The following ANKRD44 variants were observed in gnomAD, a reference collection of about 807,000 sequenced individuals.
ANKRD44 encodes the protein ankyrin repeat domain 44.
A neutral mutation model predicts 116.0 loss-of-function variants in ANKRD44; 35 were observed. That is an observed-to-expected ratio of 0.30 (90% confidence interval 0.23 to 0.40). The LOEUF (loss-of-function observed/expected upper bound fraction) is 0.40. ANKRD44 is among the 10% of genes least tolerant of loss of function. The pLI, the probability that ANKRD44 is intolerant of heterozygous loss-of-function variation, is 1.00. For missense variants in ANKRD44, 1,014 were observed against 1,242.6 expected (o/e 0.82, Z 2.77); for synonymous variants, 435 against 461.8 (o/e 0.94, Z 0.74).
intron 2 of ANKRD44, among the ~76,000 whole-genome samples, chr2:197,155,322 C>A (rs1226880053): frequency 1.3e-5 from 2 of 152,158 alleles, no homozygotes; most frequent in African/African-American, 2.4e-5. Flanking sequence ...GATTCAAAAC[C>A]AGATCTGATT....
At chr2:197,186,905 T>C (rs898187514) in intron 2 of ANKRD44, 118 bp downstream of exon 2, 5 of 764,510 alleles carry the variant, frequency 6.5e-6, no homozygotes, top group African/African-American at 5.2e-5. Context: ...AACAGTGTCC[T>C]GAGAAACAGT....
chr2:197,009,065 G>T, intron 18 of ANKRD44, 34 bp from the exon 19 acceptor site: 2 of 1,528,410 alleles, frequency 1.3e-6, no homozygotes, highest in Non-Finnish European at 1.8e-6. Flanking sequence ...TCTTTTAACA[G>T]AACAACACTA....
At chr2:197,166,733 G>A (rs2697248) in intron 2 of ANKRD44, among the ~76,000 whole-genome samples, 2,860 of 152,222 alleles carry the variant, frequency 0.019, 100 homozygotes, top group African/African-American at 0.066. Flanking sequence ...CTAACCCAAG[G>A]TCATATAACA....
At chr2:197,086,441 G>GAAAA (rs139342029) in intron 13 of ANKRD44, among the ~76,000 whole-genome samples, 1 of 146,948 alleles carries the variant, frequency 6.8e-6, no homozygotes, top group Non-Finnish European at 1.5e-5. Context: ...TCTTTTAACT[G>GAAAA]AAAAAAAAAA....
At chr2:197,060,119 AATG>A (rs2077279442) in intron 16 of ANKRD44, among the ~76,000 whole-genome samples, 1 of 152,210 alleles carries the variant, frequency 6.6e-6, no homozygotes, top group African/African-American at 2.4e-5. Context: ...TATCTTGGAT[AATG>A]ATAAGAATAA....
intron 1 of ANKRD44, among the ~76,000 whole-genome samples, chr2:197,242,877 T>C (rs1002066476): frequency 6.6e-6 from 1 of 152,246 alleles, no homozygotes; most frequent in Admixed American, 6.5e-5. Context: ...AAAGCTCAAC[T>C]GTCAGACCTG....
At chr2:197,289,106 C>T (rs575884117) in intron 1 of ANKRD44, among the ~76,000 whole-genome samples, 9 of 152,110 alleles carry the variant, frequency 5.9e-5, no homozygotes, top group African/African-American at 1.9e-4. Flanking sequence ...TGATGAATAC[C>T]CCCAAATACA....
At chr2:197,263,333 A>G (rs1473110953) in intron 1 of ANKRD44, 3 of 540,538 alleles carry the variant, frequency 5.6e-6, no homozygotes, top group Non-Finnish European at 9.8e-6. Flanking sequence ...AGCCAAGTTC[A>G]TTGGGGCTGG....
chr2:197,089,917 T>C lies in ANKRD44; in HGVS notation c.1183+33A>G, dbSNP rs753412544. ...GCCATTGACTCATGTACAGGACACA[T>C]TAAGCCTCATCTCTGCTAACAGATT... On this transcript the variant is annotated intron_variant, in intron 11 of 27. Coordinates refer to ENST00000282272, the MANE Select transcript of ANKRD44 (RefSeq NM_001195144.2). The C allele has an allele frequency of 3.2e-5, 51 of 1,591,560 alleles. 1 individual carries two copies. The Admixed American group carries it at 7.5e-4, about 23-fold the overall frequency.
chr2:197,257,469 C>T (rs757033590), intron 1 of ANKRD44, among the ~76,000 whole-genome samples: 14 of 151,548 alleles, frequency 9.2e-5, no homozygotes, highest in Non-Finnish European at 2.1e-4. Context: ...ACAATCATGA[C>T]TTTCTTCAGT....
intron 1 of ANKRD44, among the ~76,000 whole-genome samples, chr2:197,283,779 A>G (rs538098946): frequency 6.6e-6 from 1 of 152,316 alleles, no homozygotes; most frequent in East Asian, 1.9e-4. Flanking sequence ...TGTAGCATAA[A>G]GAAGCAATAA....
chr2:197,292,114 G>T (rs2083587665), intron 1 of ANKRD44, among the ~76,000 whole-genome samples: 1 of 152,192 alleles, frequency 6.6e-6, no homozygotes, highest in African/African-American at 2.4e-5. Flanking sequence ...TTGCTATTGT[G>T]AATAGTGCCA....
At chr2:197,081,540 T>A in intron 15 of ANKRD44, 105 bp downstream of exon 15, 1 of 950,130 alleles carries the variant, frequency 1.1e-6, no homozygotes. Flanking sequence ...TTCCTCAAGA[T>A]CCCAAGTGAA....
chr2:197,309,945 C>T (rs935090500), intron 1 of ANKRD44, among the ~76,000 whole-genome samples: 1 of 152,124 alleles, frequency 6.6e-6, no homozygotes, highest in African/African-American at 2.4e-5. Flanking sequence ...CGTAGCCCAC[C>T]GCCTGTGAGT....
intron 1 of ANKRD44, among the ~76,000 whole-genome samples, chr2:197,254,608 C>T (rs1488549874): frequency 1.7e-5 from 2 of 116,876 alleles, no homozygotes; most frequent in African/African-American, 6.6e-5. Flanking sequence ...TACACACACA[C>T]ACACACACAC....
chr2:197,195,237 T>C (rs1162959443), intron 1 of ANKRD44, among the ~76,000 whole-genome samples: 1 of 152,104 alleles, frequency 6.6e-6, no homozygotes, highest in Non-Finnish European at 1.5e-5. Flanking sequence ...TGCCTCAGCC[T>C]CCCAAAGAGC....
At chr2:197,031,850 G>C (rs78131072) in intron 16 of ANKRD44, among the ~76,000 whole-genome samples, 4,841 of 152,106 alleles carry the variant, frequency 0.032, 232 homozygotes, top group African/African-American at 0.11. Flanking sequence ...GAGAGTAAAT[G>C]TAATTTTAAC....
chr2:197,036,242 A>G (rs2076804581), intron 16 of ANKRD44, among the ~76,000 whole-genome samples: 2 of 152,126 alleles, frequency 1.3e-5, no homozygotes, highest in Admixed American at 1.3e-4. Flanking sequence ...ATAGTTGCGT[A>G]AGTCAAGGTC....
chr2:197,186,606 A>ATTTTT (rs2080669547), intron 2 of ANKRD44, among the ~76,000 whole-genome samples: 1 of 81,450 alleles, frequency 1.2e-5, no homozygotes, highest in African/African-American at 4.7e-5. Context: ...TGCCCGGCTA[A>ATTTTT]TTTTTCTTTT....
Sources: allele counts gnomAD v4.1 joint callset (sites outside exome capture counted in the v4.1 genomes callset), GRCh38; gene constraint gnomAD v4.1.1; transcripts MANE v1.5; gene names NCBI Gene and HGNC (gene_info 2026-07-23, HGNC 2026-07-21).